The following TTC17 variants were observed in gnomAD, a reference collection of about 807,000 sequenced individuals.
The protein encoded by TTC17 is tetratricopeptide repeat protein 17.
A neutral mutation model predicts 143.8 loss-of-function variants in TTC17; 58 were observed. That is an observed-to-expected ratio of 0.40 (90% CI 0.33 to 0.50). The LOEUF (loss-of-function observed/expected upper bound fraction) is 0.50. Among genes scored for constraint, TTC17 ranks in the 20% least tolerant of loss-of-function variants. TTC17 has a pLI of 0.49. For missense variants in TTC17, 1,273 were observed against 1,392.5 expected (o/e 0.91, Z 1.37); for synonymous variants, 501 against 497.8 (o/e 1.01, Z -0.09).
chr11:43,419,378 T>G (rs1022010564), intron 16 of TTC17, among the ~76,000 whole-genome samples: 2 of 152,234 alleles, frequency 1.3e-5, no homozygotes, highest in Non-Finnish European at 2.9e-5. Flanking sequence ...TGTTTCTGTA[T>G]TTATAGCATC....
intron 2 of TTC17, among the ~76,000 whole-genome samples, chr11:43,381,635 T>G (rs1270769289): frequency 1.3e-5 from 2 of 152,184 alleles, no homozygotes; most frequent in African/African-American, 4.8e-5. Context: ...TAATTACATC[T>G]TCAGTTTCCT....
intron 5 of TTC17, among the ~76,000 whole-genome samples, chr11:43,393,679 C>G (rs756534739): frequency 1.3e-5 from 2 of 152,294 alleles, no homozygotes; most frequent in Middle Eastern, 3.4e-3. Context: ...TTTCTGGGAC[C>G]AGCATCTGTC....
rs1197886454 is a variant in TTC17 at position 43,401,567 on chromosome 11, C to G, written c.1332+9C>G. ...ATGTGGACTATGTTCAGGTCTTTTT[C>G]TTGGTCCAGTCTAATTCTTATAAAC... On this transcript the variant is annotated intron_variant, in intron 10 of 23. Coordinates refer to ENST00000039989, the MANE Select transcript of TTC17 (RefSeq NM_018259.6). 9 of 1,575,506 alleles carry G rather than the reference C, an allele frequency of 5.7e-6. No individual in the cohort carries two copies. Among genetic ancestry groups the G allele is most frequent in the Non-Finnish European group, 7.8e-6 (9 of 1,151,098 alleles).
At chr11:43,365,466 G>T (rs894136222) in intron 1 of TTC17, among the ~76,000 whole-genome samples, 1 of 151,878 alleles carries the variant, frequency 6.6e-6, no homozygotes, top group Admixed American at 6.5e-5. Context: ...ACGGGGTTTT[G>T]CCATGTCACC....
At chr11:43,386,896 C>T (rs941801181) in intron 2 of TTC17, among the ~76,000 whole-genome samples, 1 of 152,114 alleles carries the variant, frequency 6.6e-6, no homozygotes, top group Non-Finnish European at 1.5e-5. Flanking sequence ...AAGCAGTCCT[C>T]CTACCTCAGC....
chr11:43,367,020 G>A (rs1856371823), intron 1 of TTC17, among the ~76,000 whole-genome samples: 1 of 152,144 alleles, frequency 6.6e-6, no homozygotes, highest in African/African-American at 2.4e-5. Context: ...ATAGCATCCT[G>A]AATTCCTTTA....
chr11:43,379,854 A>C (rs1333171098), intron 2 of TTC17, among the ~76,000 whole-genome samples: 1 of 152,168 alleles, frequency 6.6e-6, no homozygotes, highest in African/African-American at 2.4e-5. Flanking sequence ...TTTAATAAAC[A>C]TCAGTTTTCC....
intron 1 of TTC17, among the ~76,000 whole-genome samples, chr11:43,366,672 T>C (rs1364373400): frequency 2.0e-5 from 3 of 152,138 alleles, no homozygotes; most frequent in Non-Finnish European, 4.4e-5. Context: ...TCCCAGGATA[T>C]GGTCCAAACT....
chr11:43,369,855 G>T (rs1236735971), intron 1 of TTC17, among the ~76,000 whole-genome samples: 1 of 151,974 alleles, frequency 6.6e-6, no homozygotes, highest in African/African-American at 2.4e-5. Context: ...GACCTCAGGA[G>T]TTCTCCCGCC....
intron 2 of TTC17, among the ~76,000 whole-genome samples, chr11:43,384,591 G>A (rs1427634791): frequency 6.6e-6 from 1 of 151,948 alleles, no homozygotes; most frequent in Admixed American, 6.5e-5. Context: ...GGATGCTGAG[G>A]TTGAGTGAGC....
In TTC17 at chr11:43,401,464, G is replaced by T. The variant is rs753228160; in HGVS notation, c.1238G>T (p.Arg413Leu). 1 of 1,611,972 alleles carries T rather than the reference G, an allele frequency of 6.2e-7. No individual in the cohort carries two copies. Among genetic ancestry groups the T allele is most frequent in the East Asian group, 2.2e-5 (1 of 44,858 alleles). ...ATTCCAGGAAATCATCAGATATGCC[G>T]ACTGGTCAACCAGCAGCATAGTTTA... ...EAQLGNHQIC[R>L]LVNQQHSLHC... The change falls in exon 10 of 24, where the codon CGA becomes CTA. Residue 413 changes from arginine to leucine, a missense_variant. Physicochemically the swap from Arg to Leu is moderately radical, Grantham distance 102. Transcript: ENST00000039989.
At chr11:43,396,894 G>A in intron 6 of TTC17, 76 bp downstream of exon 6, 2 of 786,180 alleles carry the variant, frequency 2.5e-6, no homozygotes, top group Non-Finnish European at 3.9e-6. Context: ...TAAGAAAGCA[G>A]TAAGAAGCAA....
chr11:43,367,208 C>T (rs1270738260), intron 1 of TTC17, among the ~76,000 whole-genome samples: 4 of 152,172 alleles, frequency 2.6e-5, no homozygotes, highest in East Asian at 1.9e-4. Flanking sequence ...TGAATCAGCC[C>T]GTAGGCCCTC....
At chr11:43,425,437 T>C (rs1204496036) in intron 16 of TTC17, among the ~76,000 whole-genome samples, 2 of 152,222 alleles carry the variant, frequency 1.3e-5, no homozygotes, top group Admixed American at 6.5e-5. Context: ...GAAAATTATG[T>C]TTGCTTTGAG....
At chr11:43,428,565 C>T (rs1334809654) in intron 16 of TTC17, among the ~76,000 whole-genome samples, 1 of 152,164 alleles carries the variant, frequency 6.6e-6, no homozygotes, top group East Asian at 1.9e-4. Context: ...AAGAGAAGGC[C>T]ACATGGCAAG....
At chr11:43,431,473 C>T (rs946746048) in intron 16 of TTC17, among the ~76,000 whole-genome samples, 4 of 152,120 alleles carry the variant, frequency 2.6e-5, no homozygotes, top group African/African-American at 7.2e-5. Flanking sequence ...TTCTAACTGG[C>T]GTGAGATGGA....
intron 15 of TTC17, among the ~76,000 whole-genome samples, chr11:43,411,475 T>C (rs969288200): frequency 5.3e-5 from 8 of 151,774 alleles, no homozygotes; most frequent in African/African-American, 1.9e-4. Flanking sequence ...TCTATATTTT[T>C]CTCCGTCCCA....
chr11:43,375,111 T>G (rs1378489967), intron 1 of TTC17, among the ~76,000 whole-genome samples: 1 of 152,210 alleles, frequency 6.6e-6, no homozygotes, highest in Non-Finnish European at 1.5e-5. Context: ...AGTTTTTCTG[T>G]TTTTGTTTCT....
At chr11:43,391,415 A>G in intron 3 of TTC17, 50 bp from the exon 4 acceptor site, 12 of 1,210,560 alleles carry the variant, frequency 9.9e-6, no homozygotes, top group Middle Eastern at 2.4e-4. Flanking sequence ...AATAAATAAA[A>G]TATTGTTTAT....
Sources: gnomAD v4.1 joint callset for allele counts (sites outside exome capture counted in the v4.1 genomes callset) on GRCh38, gnomAD v4.1.1 for gene constraint, MANE v1.5 for transcripts, NCBI Gene and HGNC (gene_info 2026-07-23, HGNC 2026-07-21) for gene names.